The following EFHD1 variants were observed in gnomAD, a reference collection of about 807,000 sequenced individuals.
EFHD1 encodes EF-hand domain family member D1, also known as EF-hand domain-containing protein D1.
A neutral mutation model predicts 17.2 loss-of-function variants in EFHD1; 10 were observed. That is an observed-to-expected ratio of 0.58 (90% CI 0.36 to 0.99). The LOEUF is 0.99. EFHD1 is among the 50% of genes least tolerant of loss of function. EFHD1 has a pLI of 0.01. For missense variants in EFHD1, 310 were observed against 327.5 expected (o/e 0.95, Z 0.41); for synonymous variants, 153 against 142.0 (o/e 1.08, Z -0.55).
chr2:232,610,246 A>T, intron 1 of EFHD1, among the ~76,000 whole-genome samples: 1 of 152,082 alleles, frequency 6.6e-6, no homozygotes, highest in South Asian at 2.1e-4. Context: ...CTCCTTGTGG[A>T]GGTTGGGTGT....
intron 1 of EFHD1, among the ~76,000 whole-genome samples, chr2:232,616,068 T>C (rs191221362): frequency 6.6e-6 from 1 of 152,246 alleles, no homozygotes; most frequent in African/African-American, 2.4e-5. Context: ...AAAATTTTAG[T>C]GGCGTGCCAT....
At chr2:232,630,798 A>AG (rs61273301), upstream of EFHD1, among the ~76,000 whole-genome samples, 1 of 33,668 alleles carries the variant, frequency 3.0e-5, no homozygotes, top group African/African-American at 6.1e-5. Flanking sequence ...AAAAAAAAAA[A>AG]AAGAAAGAAA....
intron 2 of EFHD1, among the ~76,000 whole-genome samples, chr2:232,668,472 T>C (rs776513136): frequency 3.9e-5 from 6 of 152,126 alleles, no homozygotes; most frequent in African/African-American, 7.2e-5. Context: ...CTTTCCCTCA[T>C]GTTTCCAGTT....
At chr2:232,621,956 G>C (rs754685723) in intron 1 of EFHD1, among the ~76,000 whole-genome samples, 2 of 152,200 alleles carry the variant, frequency 1.3e-5, no homozygotes, top group Non-Finnish European at 2.9e-5. Context: ...AACTCAAAAG[G>C]TTAATTTGTC....
exon 1 of EFHD1, chr2:232,606,098 C>G (rs1693706156): frequency 6.5e-7 from 1 of 1,541,308 alleles, no homozygotes; most frequent in Non-Finnish European, 8.8e-7. Context: ...GGCTGCTTGC[C>G]TTTCTCCGTA....
intron 2 of EFHD1, 131 bp from the exon 3 acceptor site, chr2:232,672,178 G>C (rs1695083290): frequency 1.6e-6 from 2 of 1,286,028 alleles, no homozygotes; most frequent in Non-Finnish European, 2.2e-6. Context: ...AGGGAAAAAA[G>C]TAATTTGCCA....
intron 1 of EFHD1, among the ~76,000 whole-genome samples, chr2:232,638,710 A>G (rs1374875995): frequency 2.0e-5 from 3 of 152,204 alleles, no homozygotes; most frequent in Non-Finnish European, 4.4e-5. Flanking sequence ...TTGACTCTAA[A>G]AATGGGAAAG....
At chr2:232,652,440 G>A (rs764472108) in intron 1 of EFHD1, among the ~76,000 whole-genome samples, 1 of 151,990 alleles carries the variant, frequency 6.6e-6, no homozygotes, top group Non-Finnish European at 1.5e-5. Context: ...AAAGCTTAGC[G>A]TCTGCTTGAA....
At chr2:232,679,220 C>T (rs1270428093) in intron 3 of EFHD1, among the ~76,000 whole-genome samples, 1 of 152,042 alleles carries the variant, frequency 6.6e-6, no homozygotes, top group Non-Finnish European at 1.5e-5. Context: ...ACATAAAATG[C>T]AAATGGCAGA....
intron 1 of EFHD1, chr2:232,606,523 C>A (rs1230211603): frequency 2.6e-6 from 1 of 385,882 alleles, no homozygotes; most frequent in South Asian, 2.5e-5. Flanking sequence ...CGCTCCCAGT[C>A]GTGGGTAGAC....
chr2:232,639,222 T>G (rs1189677858), intron 1 of EFHD1, among the ~76,000 whole-genome samples: 2 of 152,158 alleles, frequency 1.3e-5, no homozygotes, highest in Non-Finnish European at 2.9e-5. Context: ...ATAATGGAAA[T>G]TTGAAGTTGA....
chr2:232,617,865 C>T (rs1323643245), intron 1 of EFHD1, among the ~76,000 whole-genome samples: 1 of 150,162 alleles, frequency 6.7e-6, no homozygotes, highest in Non-Finnish European at 1.5e-5. Flanking sequence ...AGGAGAATCG[C>T]TTGAACCTGG....
chr2:232,678,673 C>T (rs1012527484), intron 3 of EFHD1, among the ~76,000 whole-genome samples: 1 of 152,144 alleles, frequency 6.6e-6, no homozygotes, highest in Non-Finnish European at 1.5e-5. Flanking sequence ...ATCCCAGCTA[C>T]TCGGGAGACT....
chr2:232,622,329 C>T lies in EFHD1; in HGVS notation c.14+16156C>T, dbSNP rs192303771. 3.2e-3 allele frequency among the ~76,000 whole-genome samples: 492 copies of T among 152,316 alleles called. 5 individuals are homozygous for T. The highest frequency in any genetic ancestry group is 0.011 in the African/African-American group (472 of 41,570). ...TTAAAAATACAAAAAATTAGCCAGGCATGGTGGCGGACGCCTGTAATCCCA... is the reference window on the plus strand; with the variant it reads ...TTAAAAATACAAAAAATTAGCCAGGTATGGTGGCGGACGCCTGTAATCCCA... On this transcript the variant is annotated intron_variant, in intron 1 of 3. Coordinates refer to the EFHD1 transcript ENST00000409613.
intron 1 of EFHD1, chr2:232,611,825 C>G (rs539518225): frequency 8.5e-5 from 13 of 152,386 alleles, no homozygotes; most frequent in African/African-American, 3.1e-4. Context: ...GGCAGCCTGT[C>G]AAAGACTTCC....
chr2:232,613,813 CATAT>C (rs145871682), intron 1 of EFHD1, among the ~76,000 whole-genome samples: 1 of 149,868 alleles, frequency 6.7e-6, no homozygotes, highest in Non-Finnish European at 1.5e-5. Flanking sequence ...AATATACACA[CATAT>C]ACACACACAA....
intron 3 of EFHD1, among the ~76,000 whole-genome samples, chr2:232,675,498 C>T (rs956642312): frequency 1.3e-5 from 2 of 152,170 alleles, no homozygotes; most frequent in East Asian, 1.9e-4. Flanking sequence ...ACCTGCACAC[C>T]GGCTTCCCAG....
At chr2:232,611,440 G>A (rs1426731406) in intron 1 of EFHD1, 3 of 152,056 alleles carry the variant, frequency 2.0e-5, no homozygotes, top group East Asian at 1.9e-4. Context: ...TCTCATCATC[G>A]ATGAGACGTT....
At chr2:232,664,388 T>C (rs976549789) in intron 2 of EFHD1, among the ~76,000 whole-genome samples, 8 of 151,956 alleles carry the variant, frequency 5.3e-5, no homozygotes, top group Non-Finnish European at 1.0e-4. Flanking sequence ...GTGCTGGGAT[T>C]ATAGGCATGA....
Sources: allele counts gnomAD v4.1 joint callset (sites outside exome capture counted in the v4.1 genomes callset), GRCh38; gene constraint gnomAD v4.1.1; transcripts MANE v1.5; gene names NCBI Gene and HGNC (gene_info 2026-07-23, HGNC 2026-07-21).